USO1: variants seen among roughly 807,000 people sequenced by gnomAD.
The protein encoded by USO1 is USO1 vesicle transport factor.
In USO1, 57 loss-of-function variants were observed where a neutral mutation model predicts 124.5. The observed-to-expected ratio is 0.46, with a 90% CI of 0.37 to 0.57. The LOEUF (loss-of-function observed/expected upper bound fraction) is 0.57, where lower values mean the gene tolerates loss of function less well. Ranked by LOEUF, USO1 falls within the 20% of genes least tolerant of loss-of-function variation. The pLI is 0.00. For synonymous variants in USO1, 369 were observed against 362.8 expected, an observed-to-expected ratio of 1.02 and a Z score of -0.19; for missense variants, 900 against 1,040.6, an observed-to-expected ratio of 0.86 and a Z score of 1.86.
At position 75,788,730 on chromosome 4, in the gene USO1, G is replaced by A. The variant is rs532791965; in HGVS notation, c.997-1420G>A. On this transcript the variant is annotated intron_variant, in intron 10 of 23. Transcript: ENST00000514213. ...GCTAATTTTTTGTATTTTTAGTAGA[G>A]ACGGGGTTCCACCACATTGGCCAGG... Among the ~76,000 whole-genome samples, 3 of 151,688 alleles carry A rather than the reference G, an allele frequency of 2.0e-5. No individual in the cohort carries two copies. The East Asian group carries it at 5.8e-4, about 29-fold the overall frequency.
At chr4:75,795,299 TA>T (rs1024166144) in intron 13 of USO1, 12 of 701,604 alleles carry the variant, frequency 1.7e-5, no homozygotes, top group South Asian at 3.0e-5. Context: ...TCTAAAGTAG[TA>T]ATATGTATGA....
chr4:75,750,204 T>C (rs1444304704), intron 1 of USO1, among the ~76,000 whole-genome samples: 3 of 152,056 alleles, frequency 2.0e-5, no homozygotes, highest in African/African-American at 7.2e-5. Flanking sequence ...GAGGCCAACG[T>C]GGGAGAATCA....
At chr4:75,788,341 T>G (rs1722428791) in intron 10 of USO1, among the ~76,000 whole-genome samples, 1 of 147,156 alleles carries the variant, frequency 6.8e-6, no homozygotes, top group Non-Finnish European at 1.5e-5. Flanking sequence ...CTAATTTTTG[T>G]AATTTTAGTA....
At chr4:75,756,040 G>T (rs897668601) in intron 3 of USO1, among the ~76,000 whole-genome samples, 3 of 151,774 alleles carry the variant, frequency 2.0e-5, no homozygotes, top group Non-Finnish European at 4.4e-5. Flanking sequence ...AGTGGTGGCG[G>T]GCGCCTGTAG....
rs193229899 is a variant in USO1, at chr4:75,782,822, T to C, written c.819T>C (p.Ser273=). 1.9e-6 allele frequency: 3 copies of C among 1,607,328 alleles called. No individual in the cohort carries two copies. In the Admixed American group the frequency reaches 5.1e-5, roughly 28 times the overall value. ...FEVGDENSGW[S]AQKVTNLHLM... is the part of the protein sequence containing the mutation. ...TTGGAGATGAAAATTCTGGCTGGTC[T>C]GCACAGAAAGTGACCAATCTACATC... The change falls in exon 9 of 24, where the codon TCT becomes TCC. Residue 273 remains serine (S), a synonymous_variant. Transcript: ENST00000514213.
chr4:75,739,538 C>CTTTTTTTTTTT (rs753369609), intron 1 of USO1, among the ~76,000 whole-genome samples: 1 of 105,420 alleles, frequency 9.5e-6, no homozygotes, highest in Non-Finnish European at 1.8e-5. Context: ...TTATCTTTTT[C>CTTTTTTTTTTT]TTTTTTTTTT....
chr4:75,725,749 A>C (rs1720414296), intron 1 of USO1, among the ~76,000 whole-genome samples: 1 of 152,126 alleles, frequency 6.6e-6, no homozygotes, highest in South Asian at 2.1e-4. Flanking sequence ...TTTTGAAATA[A>C]ACTTTTTATT....
intron 7 of USO1, among the ~76,000 whole-genome samples, chr4:75,774,251 G>A (rs1722011087): frequency 6.6e-6 from 1 of 152,132 alleles, no homozygotes; most frequent in African/African-American, 2.4e-5. Context: ...TTCTCTACTA[G>A]ACTGTGGTGG....
At chr4:75,778,583 T>C (rs1206738254) in intron 8 of USO1, among the ~76,000 whole-genome samples, 1 of 152,080 alleles carries the variant, frequency 6.6e-6, no homozygotes, top group African/African-American at 2.4e-5. Flanking sequence ...ACCATAAATA[T>C]TTAGATCAGT....
intron 9 of USO1, among the ~76,000 whole-genome samples, chr4:75,784,798 A>G (rs1374924310): frequency 1.3e-5 from 2 of 152,170 alleles, no homozygotes; most frequent in Admixed American, 6.6e-5. Context: ...CAGGAAAAAA[A>G]AAAAAAATTA....
rs1350481609 is a variant in USO1, at chr4:75,808,868, AT to A, written c.2377-78del. Reference sequence around the variant, plus strand: ...TTTTAAAAGTAGGAGGTTGTAAATCATTTTTTTAAATGTCTCCCTGTAAATA... The same window carrying A: ...TTTTAAAAGTAGGAGGTTGTAAATCATTTTTTAAATGTCTCCCTGTAAATA... On this transcript the variant is annotated intron_variant, in intron 20 of 23. Transcript: ENST00000514213. 11 of 1,430,674 alleles carry A rather than the reference AT, an allele frequency of 7.7e-6. No individual in the cohort carries two copies. The East Asian group carries it at 1.6e-4, about 21-fold the overall frequency. 88.6% of individuals were successfully genotyped at this position (1,430,674 alleles called of 1,614,324 possible). A position where few individuals can be genotyped will look rare whatever the true frequency, so the allele number is the denominator to read the frequency against.
intron 1 of USO1, among the ~76,000 whole-genome samples, chr4:75,726,964 A>G (rs1720481305): frequency 6.6e-6 from 1 of 152,206 alleles, no homozygotes; most frequent in Non-Finnish European, 1.5e-5. Context: ...AAATGAGGAA[A>G]ATGCCTGCTT....
chr4:75,786,905 A>G (rs962064114), intron 9 of USO1, among the ~76,000 whole-genome samples, 157 bp from the exon 10 acceptor site: 1 of 152,206 alleles, frequency 6.6e-6, no homozygotes, highest in Non-Finnish European at 1.5e-5. Context: ...CTATCACAGA[A>G]CTTATTGCCA....
chr4:75,757,580 T>C lies in USO1; in HGVS notation c.295+7T>C. The stretch of plus-strand genomic sequence containing the variant: ...GAAGAAGAAGAAGAAGTAGGTAAGT[T>C]TCCAGTTATTTTTACTGTGTTTTCT... On this transcript the variant is annotated splice_region_variant and intron_variant, in intron 4 of 23. Coordinates refer to ENST00000514213, the MANE Select transcript of USO1 (RefSeq NM_003715.4). The C allele has an allele frequency of 1.3e-6, 2 of 1,484,226 alleles. No homozygotes were observed. The highest frequency in any genetic ancestry group is 9.0e-7 in the Non-Finnish European group (1 of 1,116,478). 91.9% of individuals were successfully genotyped at this position (1,484,226 alleles called of 1,614,324 possible). A position where few individuals can be genotyped will look rare whatever the true frequency, so the allele number is the denominator to read the frequency against.
chr4:75,744,757 GA>G, intron 1 of USO1: 1 of 265,396 alleles, frequency 3.8e-6, no homozygotes, highest in South Asian at 3.3e-5. Context: ...AGTAATATCT[GA>G]ATACATGATT....
intron 8 of USO1, among the ~76,000 whole-genome samples, chr4:75,780,326 G>T (rs186426916): frequency 4.2e-4 from 64 of 152,166 alleles, no homozygotes; most frequent in Admixed American, 4.2e-3. Flanking sequence ...GTGTGTAGTG[G>T]TGTGATCTCG....
chr4:75,806,620 AAT>A, intron 20 of USO1, 48 bp downstream of exon 20: 2 of 1,540,874 alleles, frequency 1.3e-6, no homozygotes, highest in Non-Finnish European at 1.7e-6. Flanking sequence ...TTTTAATTAT[AAT>A]AGAATAACAG....
Position 75,805,228 on chromosome 4 carries a change from G to C in USO1, c.2214G>C (p.Glu738Asp). Reference protein sequence around the residue: ...QPEEIGRLREEIEELKRNQEL... With the variant: ...QPEEIGRLREDIEELKRNQEL... ...AAGAAATTGGTAGATTGCGAGAAGAGATAGAAGAATTAAAACGTAATCAGG... is the reference window on the plus strand; with the variant it reads ...AAGAAATTGGTAGATTGCGAGAAGACATAGAAGAATTAAAACGTAATCAGG... Residue 738 changes from glutamate (E) to aspartate (D), a missense_variant, in exon 19 of 24, where the codon GAG becomes GAC. Physicochemically the swap from Glu to Asp is conservative, Grantham distance 45. Coordinates refer to ENST00000514213, the MANE Select transcript of USO1 (RefSeq NM_003715.4). 6.2e-7 allele frequency: 1 copy of C among 1,613,078 alleles called. No individual in the cohort carries two copies. Among genetic ancestry groups the C allele is most frequent in the Non-Finnish European group, 8.5e-7 (1 of 1,179,442 alleles).
intron 12 of USO1, among the ~76,000 whole-genome samples, chr4:75,791,429 C>G (rs1367224916): frequency 6.6e-6 from 1 of 152,170 alleles, no homozygotes; most frequent in East Asian, 1.9e-4. Context: ...GAGGCTGAGG[C>G]AGGAGAATCG....
Sources: gnomAD v4.1 joint callset for allele counts (sites outside exome capture counted in the v4.1 genomes callset) on GRCh38, gnomAD v4.1.1 for gene constraint, MANE v1.5 for transcripts, NCBI Gene and HGNC (gene_info 2026-07-23, HGNC 2026-07-21) for gene names.